Variants in MAPKAP1 observed in about 807,000 individuals in gnomAD.
The protein encoded by MAPKAP1 is target of rapamycin complex 2 subunit MAPKAP1.
Under a neutral mutation model 65.7 loss-of-function variants are expected in MAPKAP1, and 20 were observed. The observed-to-expected ratio is 0.30, with a 90% CI of 0.21 to 0.44. MAPKAP1 has a LOEUF of 0.44. Ranked by LOEUF, MAPKAP1 falls within the 20% of genes least tolerant of loss-of-function variation. The pLI is 1.00. For synonymous variants in MAPKAP1, 222 were observed against 244.3 expected, an observed-to-expected ratio of 0.91 and a Z score of 0.85; for missense variants, 423 against 648.0, an observed-to-expected ratio of 0.65 and a Z score of 3.77.
chr9:125,559,269 G>A (rs183997739), intron 6 of MAPKAP1: 1 of 162,886 alleles, frequency 6.1e-6, no homozygotes, highest in African/African-American at 2.4e-5. Flanking sequence ...AGTCACAAGA[G>A]AGAAGTGGCC....
At chr9:125,584,580 C>T (rs1404855453) in intron 5 of MAPKAP1, among the ~76,000 whole-genome samples, 1 of 152,140 alleles carries the variant, frequency 6.6e-6, no homozygotes. Context: ...ATGGCCACCA[C>T]CATGCCCGGC....
At chr9:125,604,436 C>A in intron 4 of MAPKAP1, among the ~76,000 whole-genome samples, 1 of 152,208 alleles carries the variant, frequency 6.6e-6, no homozygotes, top group East Asian at 1.9e-4. Context: ...CAGCTCCAGG[C>A]TGCATTAACA....
At chr9:125,660,797 G>A (rs62567170) in intron 3 of MAPKAP1, among the ~76,000 whole-genome samples, 9,056 of 152,170 alleles carry the variant, frequency 0.06, 350 homozygotes, top group Non-Finnish European at 0.086. Context: ...CTTAAAACCC[G>A]CTTTACTGTT....
intron 3 of MAPKAP1, among the ~76,000 whole-genome samples, chr9:125,659,801 C>T (rs989580877): frequency 9.2e-5 from 14 of 151,774 alleles, no homozygotes; most frequent in Non-Finnish European, 1.8e-4. Flanking sequence ...AAATGTCTGT[C>T]TATATTCTTC....
At chr9:125,522,653 C>T (rs1829653513) in intron 7 of MAPKAP1, among the ~76,000 whole-genome samples, 1 of 152,230 alleles carries the variant, frequency 6.6e-6, no homozygotes, top group African/African-American at 2.4e-5. Flanking sequence ...TCCAGCCAAC[C>T]ACTCTTCACC....
intron 3 of MAPKAP1, among the ~76,000 whole-genome samples, chr9:125,658,079 G>A (rs1009485156): frequency 6.6e-6 from 1 of 152,172 alleles, no homozygotes; most frequent in Non-Finnish European, 1.5e-5. Flanking sequence ...AGCACTCACA[G>A]CCAGGAGACC....
intron 7 of MAPKAP1, chr9:125,521,832 T>C: frequency 6.6e-7 from 1 of 1,504,304 alleles, no homozygotes; most frequent in Non-Finnish European, 9.2e-7. Flanking sequence ...CTGAGCTACA[T>C]GAAAGTGGTG....
At chr9:125,558,147 C>A (rs764040355) in intron 6 of MAPKAP1, among the ~76,000 whole-genome samples, 2 of 152,124 alleles carry the variant, frequency 1.3e-5, no homozygotes, top group South Asian at 2.1e-4. Flanking sequence ...GGATTACAGG[C>A]GTGAGCCACT....
chr9:125,671,803 C>A (rs1834505110), intron 2 of MAPKAP1, among the ~76,000 whole-genome samples: 1 of 152,110 alleles, frequency 6.6e-6, no homozygotes, highest in Non-Finnish European at 1.5e-5. Context: ...TAATCTCACA[C>A]CCTATGTATA....
At position 125,447,402 on chromosome 9, in the gene MAPKAP1, C is replaced by G. The variant is rs1852756662; in HGVS notation, c.1346-2804G>C. ...TTGGACTTGAACAATGACACAGCTGCAAAGTTAATCACTGGGCCGAGGCAC... is the reference window on the plus strand; with the variant it reads ...TTGGACTTGAACAATGACACAGCTGGAAAGTTAATCACTGGGCCGAGGCAC... On this transcript the variant is annotated intron_variant, in intron 10 of 11. Transcript: ENST00000265960. This position sits in a 1 kb window ranked among gnomAD's most constrained non-coding sequence, Gnocchi z 4.5. The G allele has an allele frequency of 2.2e-6, 1 of 456,518 alleles. No individual in the cohort carries two copies. The allele number at this position is 456,518 out of a possible 1,614,324, so 28.3% of individuals were successfully genotyped here. A position where few individuals can be genotyped will look rare whatever the true frequency, so the allele number is the denominator to read the frequency against.
chr9:125,464,204 TAAAAAAAAAAAAAAA>T (rs57497941), intron 10 of MAPKAP1, among the ~76,000 whole-genome samples: 5 of 83,300 alleles, frequency 6.0e-5, no homozygotes, highest in African/African-American at 1.3e-4. Context: ...TCTCATATAT[TAAAAAAAAAAAAAAA>T]AAAAAAAAAA....
chr9:125,475,504 A>T (rs1854071630), intron 9 of MAPKAP1, among the ~76,000 whole-genome samples: 1 of 152,214 alleles, frequency 6.6e-6, no homozygotes, highest in Non-Finnish European at 1.5e-5. Flanking sequence ...ATATGTGGTC[A>T]GTAAGAGACT....
chr9:125,506,432 G>A lies in MAPKAP1; in HGVS notation c.959-15C>T. 1 of 1,608,434 alleles carries A rather than the reference G, an allele frequency of 6.2e-7. No individual in the cohort carries two copies. The highest frequency in any genetic ancestry group is 8.5e-7 in the Non-Finnish European group (1 of 1,174,932). ...GTACTGAGGGCCTGGAAGATCAAAG[G>A]GGCAGGAGGAGGGGAGGAAGTCTGA... On this transcript the variant is annotated splice_polypyrimidine_tract_variant and intron_variant, in intron 7 of 11. Transcript: ENST00000265960.
intron 1 of MAPKAP1, among the ~76,000 whole-genome samples, chr9:125,694,259 CA>C (rs1835317942): frequency 6.6e-6 from 1 of 151,344 alleles, no homozygotes. Flanking sequence ...ACTCAGGAGG[CA>C]GAGGTTTCAG....
chr9:125,656,606 G>C (rs1834038496), intron 4 of MAPKAP1, among the ~76,000 whole-genome samples: 1 of 151,954 alleles, frequency 6.6e-6, no homozygotes, highest in Non-Finnish European at 1.5e-5. Flanking sequence ...TGCTCAAAGA[G>C]GACAAGTGAC....
chr9:125,593,867 T>G (rs2131595787), intron 4 of MAPKAP1, among the ~76,000 whole-genome samples: 1 of 152,290 alleles, frequency 6.6e-6, no homozygotes, highest in East Asian at 1.9e-4. Flanking sequence ...TCCCACAGCC[T>G]CTCCCTGACC....
At chr9:125,698,548 G>C (rs1835502562) in intron 1 of MAPKAP1, among the ~76,000 whole-genome samples, 1 of 151,222 alleles carries the variant, frequency 6.6e-6, no homozygotes, top group African/African-American at 2.4e-5. Flanking sequence ...CGCCATGTTG[G>C]CCAGGCTGGT....
At chr9:125,630,761 C>G (rs967684855) in intron 4 of MAPKAP1, among the ~76,000 whole-genome samples, 2 of 152,078 alleles carry the variant, frequency 1.3e-5, no homozygotes, top group Non-Finnish European at 2.9e-5. Flanking sequence ...GTGTTTGGAT[C>G]ATGGAGGCAG....
intron 10 of MAPKAP1, among the ~76,000 whole-genome samples, chr9:125,453,207 A>G (rs1023653912): frequency 2.0e-5 from 3 of 152,144 alleles, no homozygotes; most frequent in Non-Finnish European, 4.4e-5. Context: ...CAGGGGTGCA[A>G]CACCAGGCCT....
Sources: allele counts gnomAD v4.1 joint callset (sites outside exome capture counted in the v4.1 genomes callset), GRCh38; gene constraint gnomAD v4.1.1; non-coding constraint Gnocchi (gnomAD v3.1); transcripts MANE v1.5; gene names NCBI Gene and HGNC (gene_info 2026-07-23, HGNC 2026-07-21).